The following VWA3B variants were observed in gnomAD, a reference collection of about 807,000 sequenced individuals.
VWA3B encodes the protein von Willebrand factor A domain-containing protein 3B.
Under a neutral mutation model 158.3 loss-of-function variants are expected in VWA3B, and 138 were observed. The ratio of observed to expected loss-of-function variants is 0.87; its 90% CI spans 0.76 to 1.00. The LOEUF (loss-of-function observed/expected upper bound fraction) is 1.00, where lower values mean the gene tolerates loss of function less well. VWA3B is among the 50% of genes least tolerant of loss of function. The probability of loss-of-function intolerance (pLI) is 0.00; values close to 1 mark genes in which losing one functional copy is unlikely to be tolerated. For synonymous variants in VWA3B, 596 were observed against 587.3 expected (o/e 1.01, Z -0.21); for missense variants, 1,555 against 1,565.1 (o/e 0.99, Z 0.11).
At chr2:98,233,330 T>C (rs4477970) in intron 16 of VWA3B, among the ~76,000 whole-genome samples, 122,598 of 152,168 alleles carry the variant, frequency 0.81, 49,712 homozygotes, top group South Asian at 0.9. Flanking sequence ...AAATGTTTGA[T>C]TCCACTGCTA....
Position 98,230,205 on chromosome 2 carries a change from C to G in VWA3B, c.2306C>G (p.Ala769Gly), listed in dbSNP as rs1685239311. The change falls in exon 16 of 28, where the codon GCA (alanine) becomes GGA (glycine). Residue 769 changes from alanine to glycine, a missense_variant and splice_region_variant. By Grantham distance (60) the Ala-to-Gly change is moderately conservative. Transcript: ENST00000477737. ...QKVQKKKVLH[A>G]ESTKTSLLRS... ...GTTCAGAAAAAGAAAGTCCTTCACG[C>G]AGGTATCAGTGAACAAAATGGCTTG... The G allele has an allele frequency of 6.4e-7, 1 of 1,564,350 alleles. No homozygotes were observed. Among genetic ancestry groups the G allele is most frequent in the South Asian group, 1.2e-5 (1 of 81,534 alleles).
intron 2 of VWA3B, among the ~76,000 whole-genome samples, chr2:98,101,856 T>A (rs1425064783): frequency 6.6e-6 from 1 of 151,568 alleles, no homozygotes; most frequent in East Asian, 1.9e-4. Flanking sequence ...TTATATTTTT[T>A]TATTTTTTAT....
At chr2:98,246,728 G>T (rs1315649510) in intron 19 of VWA3B, among the ~76,000 whole-genome samples, 4 of 151,916 alleles carry the variant, frequency 2.6e-5, no homozygotes, top group Admixed American at 2.0e-4. Context: ...CGTCCTACAG[G>T]TTTAAAACTT....
intron 12 of VWA3B, among the ~76,000 whole-genome samples, chr2:98,209,344 G>A (rs796378072): frequency 7.2e-5 from 11 of 151,928 alleles, no homozygotes; most frequent in African/African-American, 2.7e-4. Flanking sequence ...GTGGTGGCGC[G>A]ATCTCGGCTC....
At chr2:98,322,449 G>A in the VWA3B span, among the ~76,000 whole-genome samples, 3 of 152,160 alleles carry the variant, frequency 2.0e-5, no homozygotes, top group Non-Finnish European at 2.9e-5. Context: ...CAGTAAGAGT[G>A]AATCATAAAA....
At chr2:98,298,288 G>A (rs532830166) in intron 24 of VWA3B, among the ~76,000 whole-genome samples, 11 of 152,288 alleles carry the variant, frequency 7.2e-5, no homozygotes, top group African/African-American at 2.2e-4. Context: ...GCACCTTGAG[G>A]TCCTTGTCCC....
At chr2:98,310,960 C>T (rs1389094840) in intron 26 of VWA3B, among the ~76,000 whole-genome samples, 1 of 152,214 alleles carries the variant, frequency 6.6e-6, no homozygotes, top group Non-Finnish European at 1.5e-5. Context: ...CAAAAACTCT[C>T]TTTCTACTTT....
intron 6 of VWA3B, among the ~76,000 whole-genome samples, chr2:98,130,631 A>C (rs969589299): frequency 3.9e-5 from 6 of 152,258 alleles, no homozygotes; most frequent in African/African-American, 1.4e-4. Context: ...TTAACAAAGC[A>C]TATCTTGCAC....
intron 7 of VWA3B, among the ~76,000 whole-genome samples, chr2:98,149,265 G>A (rs1232905750): frequency 2.0e-5 from 3 of 152,120 alleles, no homozygotes; most frequent in Non-Finnish European, 4.4e-5. Flanking sequence ...GGGCGTCCAG[G>A]TCCTTGGCAT....
At chr2:98,136,613 A>C (rs1303643575) in intron 7 of VWA3B, among the ~76,000 whole-genome samples, 1 of 151,852 alleles carries the variant, frequency 6.6e-6, no homozygotes, top group Non-Finnish European at 1.5e-5. Flanking sequence ...AAAAAAAAAA[A>C]AAAGGCAAAC....
chr2:98,128,982 G>A (rs1042465804), intron 6 of VWA3B, among the ~76,000 whole-genome samples: 11 of 152,262 alleles, frequency 7.2e-5, no homozygotes, highest in Non-Finnish European at 1.5e-5. Flanking sequence ...GGCACGCTGT[G>A]CCCCTCTCTC....
intron 14 of VWA3B, 79 bp downstream of exon 14, chr2:98,218,107 G>A (rs1266683380): frequency 2.3e-5 from 33 of 1,434,914 alleles, no homozygotes; most frequent in African/African-American, 5.8e-5. Context: ...TAATACCTTC[G>A]TTGGGAAAAT....
At chr2:98,200,103 T>A (rs1411227130) in intron 12 of VWA3B, among the ~76,000 whole-genome samples, 1 of 152,236 alleles carries the variant, frequency 6.6e-6, no homozygotes, top group African/African-American at 2.4e-5. Flanking sequence ...TGCATTTACT[T>A]AACACTCGTC....
At chr2:98,128,545 C>T (rs887249480) in intron 6 of VWA3B, 137 bp downstream of exon 6, 46 of 857,716 alleles carry the variant, frequency 5.4e-5, no homozygotes, top group Non-Finnish European at 7.7e-5. Flanking sequence ...TATTTAGTCT[C>T]TCTGCATCTT....
chr2:98,275,797 C>T (rs1033112580), intron 22 of VWA3B, among the ~76,000 whole-genome samples: 5 of 152,130 alleles, frequency 3.3e-5, no homozygotes, highest in Admixed American at 2.6e-4. Context: ...GTGAGGTTGG[C>T]CAGAATAATG....
intron 12 of VWA3B, chr2:98,206,604 A>T: frequency 2.3e-6 from 1 of 443,438 alleles, no homozygotes; most frequent in Non-Finnish European, 4.5e-6. Context: ...GAGCCTATTG[A>T]TGAAAGCGGT....
At chr2:98,124,471 T>C (rs1675205974) in intron 5 of VWA3B, among the ~76,000 whole-genome samples, 1 of 152,116 alleles carries the variant, frequency 6.6e-6, no homozygotes, top group Non-Finnish European at 1.5e-5. Flanking sequence ...AGGAGGGATC[T>C]GAGAGGTGAA....
intron 5 of VWA3B, chr2:98,121,852 TGAGGAG>T (rs1244791657): frequency 5.7e-6 from 1 of 174,188 alleles, no homozygotes; most frequent in Non-Finnish European, 1.2e-5. Context: ...CTATCTCTTA[TGAGGAG>T]GAGAGAGAGA....
At chr2:98,179,312 G>A (rs559442238) in intron 8 of VWA3B, 119 of 471,112 alleles carry the variant, frequency 2.5e-4, no homozygotes, top group African/African-American at 1.6e-3. Flanking sequence ...GGCTTGTCCC[G>A]CTCAGGTAAC....
Sources: gnomAD v4.1 joint callset for allele counts (sites outside exome capture counted in the v4.1 genomes callset) on GRCh38, gnomAD v4.1.1 for gene constraint, MANE v1.5 for transcripts, NCBI Gene and HGNC (gene_info 2026-07-23, HGNC 2026-07-21) for gene names.